Variants in ROCK1 observed in about 807,000 individuals in gnomAD.
ROCK1 encodes the protein Rho associated coiled-coil containing protein kinase 1, also known as rho-associated protein kinase 1.
In ROCK1, 36 loss-of-function variants were observed where a neutral mutation model predicts 196.8. That is an observed-to-expected ratio of 0.18 (90% confidence interval 0.14 to 0.24). ROCK1 has a LOEUF of 0.24. Ranked by LOEUF, ROCK1 falls within the 10% of genes least tolerant of loss-of-function variation. ROCK1 has a pLI of 1.00. For missense variants in ROCK1, 920 were observed against 1,562.0 expected (o/e 0.59, Z 6.93); for synonymous variants, 443 against 515.9 (o/e 0.86, Z 1.91).
intron 9 of ROCK1, among the ~76,000 whole-genome samples, chr18:21,031,821 G>C (rs2036010696): frequency 6.6e-6 from 1 of 152,028 alleles, no homozygotes; most frequent in African/African-American, 2.4e-5. Flanking sequence ...GCACTGAAAA[G>C]TACAATAGCT....
At position 20,984,535 on chromosome 18, in the gene ROCK1, C is replaced by T; in HGVS notation, c.2305G>A (p.Val769Ile). The change falls in exon 20 of 33, where the codon GTT becomes ATT. Residue 769 changes from valine to isoleucine, a missense_variant and splice_region_variant. Around this residue, in one of 6 missense-constraint regions of ROCK1, gnomAD observed 520 missense variants for 657.1 expected, o/e 0.79. Transcript: ENST00000399799. ...TGNKERMEDE[V>I]KNLTLQLEQE... ...TCCAGTTGCAGGGTTAGATTCTTAA[C>T]CTATGAATGAGAAAAATAATTGGGA... The T allele has an allele frequency of 1.3e-6, 2 of 1,581,328 alleles. No homozygotes were observed. The highest frequency in any genetic ancestry group is 1.7e-6 in the Non-Finnish European group (2 of 1,170,534).
At chr18:21,081,308 G>A (rs776798974) in intron 1 of ROCK1, among the ~76,000 whole-genome samples, 1 of 151,956 alleles carries the variant, frequency 6.6e-6, no homozygotes, top group Non-Finnish European at 1.5e-5. Context: ...AATACTTTGA[G>A]ACAAATGAAA....
intron 22 of ROCK1, among the ~76,000 whole-genome samples, chr18:20,974,071 T>C (rs755012969): frequency 5.9e-5 from 9 of 152,154 alleles, no homozygotes; most frequent in Non-Finnish European, 1.2e-4. Flanking sequence ...TGCCCAGCAA[T>C]ATTTGGCACT....
chr18:20,991,884 T>A (rs1162003248), intron 17 of ROCK1, among the ~76,000 whole-genome samples: 1 of 152,124 alleles, frequency 6.6e-6, no homozygotes, highest in East Asian at 1.9e-4. Context: ...GCAATCCTCC[T>A]GTGTCAGCCT....
chr18:21,067,877 C>T (rs1182547626), intron 2 of ROCK1, among the ~76,000 whole-genome samples: 4 of 152,082 alleles, frequency 2.6e-5, no homozygotes, highest in Admixed American at 6.5e-5. Context: ...TTTATATTTT[C>T]GGTTAATTTT....
chr18:21,101,737 C>G (rs1419024887), intron 1 of ROCK1, among the ~76,000 whole-genome samples: 1 of 152,022 alleles, frequency 6.6e-6, no homozygotes, highest in Admixed American at 6.5e-5. Context: ...GATCCAGATT[C>G]TAATAAAGCA....
intron 1 of ROCK1, among the ~76,000 whole-genome samples, chr18:21,103,059 T>C (rs1440611421): frequency 6.6e-6 from 1 of 152,152 alleles, no homozygotes; most frequent in Admixed American, 6.5e-5. Flanking sequence ...TCTACCTTCC[T>C]ATTAATTGTT....
chr18:21,023,668 T>C lies in ROCK1; in HGVS notation c.1224A>G (p.Ser408=). 6.3e-7 allele frequency: 1 copy of C among 1,575,408 alleles called. No individual in the cohort carries two copies. Among genetic ancestry groups the C allele is most frequent in the Non-Finnish European group, 8.6e-7 (1 of 1,158,292 alleles). The part of the protein sequence containing the change: ...TYYSNRRYLS[S]ANPNDNRTSS... Reference sequence around the variant, plus strand: ...TAGTTCTGTTATCATTAGGATTTGCTGAAGATAAGTATCTGAGGGAAAGAA... The same window carrying C: ...TAGTTCTGTTATCATTAGGATTTGCCGAAGATAAGTATCTGAGGGAAAGAA... The change falls in exon 11 of 33, where the codon TCA becomes TCG. Residue 408 remains serine, a synonymous_variant. Coordinates refer to ENST00000399799, the MANE Select transcript of ROCK1 (RefSeq NM_005406.3).
At chr18:21,093,045 T>A (rs148465636) in intron 1 of ROCK1, among the ~76,000 whole-genome samples, 117 of 152,348 alleles carry the variant, frequency 7.7e-4, no homozygotes, top group Admixed American at 2.7e-3. Context: ...GTTCCAAGAC[T>A]GGAGCACATG....
At chr18:21,057,844 A>G (rs1269672878) in intron 2 of ROCK1, among the ~76,000 whole-genome samples, 1 of 152,142 alleles carries the variant, frequency 6.6e-6, no homozygotes, top group Non-Finnish European at 1.5e-5. Context: ...AATTAAATTA[A>G]AAATAAATAA....
At chr18:21,000,769 G>A (rs1024448291) in intron 16 of ROCK1, among the ~76,000 whole-genome samples, 6 of 152,152 alleles carry the variant, frequency 3.9e-5, no homozygotes, top group South Asian at 2.1e-4. Flanking sequence ...CCAAGTGTTG[G>A]CAGGGATATG....
At chr18:20,952,723 T>G (rs1489314562) in intron 32 of ROCK1, among the ~76,000 whole-genome samples, 2 of 150,290 alleles carry the variant, frequency 1.3e-5, no homozygotes, top group African/African-American at 4.9e-5. Context: ...TGCAGTGAGC[T>G]GAGATAGCGC....
At chr18:21,105,757 C>G (rs1475435248) in intron 1 of ROCK1, among the ~76,000 whole-genome samples, 1 of 152,036 alleles carries the variant, frequency 6.6e-6, no homozygotes, top group Non-Finnish European at 1.5e-5. Flanking sequence ...GAAATGCTTA[C>G]AAGGCAGTCA....
intron 28 of ROCK1, 28 bp downstream of exon 28, chr18:20,960,108 A>C (rs371541898): frequency 6.9e-5 from 98 of 1,410,668 alleles, no homozygotes; most frequent in Non-Finnish European, 9.5e-5. Flanking sequence ...ACAAAATACC[A>C]GTTAGAAAAT....
chr18:21,047,019 A>G (rs893385968), intron 4 of ROCK1, among the ~76,000 whole-genome samples: 18 of 152,076 alleles, frequency 1.2e-4, no homozygotes, highest in African/African-American at 4.1e-4. Context: ...GGGAAGAGAG[A>G]AGGATAAGAA....
intron 1 of ROCK1, among the ~76,000 whole-genome samples, chr18:21,086,411 C>T (rs1195990698): frequency 1.3e-5 from 2 of 152,062 alleles, no homozygotes; most frequent in African/African-American, 4.8e-5. Context: ...CGCGCCCAGC[C>T]TGAAAATAAT....
intron 1 of ROCK1, among the ~76,000 whole-genome samples, chr18:21,076,889 T>C (rs1568403050): frequency 2.0e-5 from 3 of 151,288 alleles, no homozygotes; most frequent in Non-Finnish European, 2.9e-5. Flanking sequence ...GTAAAAGCTA[T>C]CCCAAATGGT....
Position 20,991,060 on chromosome 18 carries a change from T to C in ROCK1, c.2143+116A>G. On this transcript the variant is annotated intron_variant, in intron 18 of 32. Coordinates refer to ENST00000399799, the MANE Select transcript of ROCK1 (RefSeq NM_005406.3). ...CAGGCATGAGCCACTGTGCCAGGCC[T>C]ATAATTTATATTATACTTTCTACGA... 7.4e-6 allele frequency: 6 copies of C among 805,658 alleles called. No individual in the cohort carries two copies. In the South Asian group the frequency reaches 9.2e-5, roughly 12 times the overall value. 49.9% of individuals were successfully genotyped at this position (805,658 alleles called of 1,614,324 possible).
At chr18:20,990,645 A>T (rs1181737401) in intron 18 of ROCK1, among the ~76,000 whole-genome samples, 1 of 142,656 alleles carries the variant, frequency 7.0e-6, no homozygotes, top group African/African-American at 2.6e-5. Flanking sequence ...TTGAGCCAAG[A>T]TCACACCATT....
Sources: gnomAD v4.1 joint callset for allele counts (sites outside exome capture counted in the v4.1 genomes callset) on GRCh38, gnomAD v4.1.1 for gene constraint, gnomAD v4.1.1 regional missense constraint, MANE v1.5 for transcripts, NCBI Gene and HGNC (gene_info 2026-07-23, HGNC 2026-07-21) for gene names.